The following CWF19L1 variants were observed in gnomAD, a reference collection of about 807,000 sequenced individuals.
CWF19L1 encodes CWF19 like cell cycle control factor 1, also known as CWF19-like protein 1.
A neutral mutation model predicts 69.7 loss-of-function variants in CWF19L1; 60 were observed. That is an observed-to-expected ratio of 0.86 (90% CI 0.70 to 1.07). CWF19L1 has a LOEUF of 1.07. Among genes scored for constraint, CWF19L1 ranks in the 50% least tolerant of loss-of-function variants. The probability of loss-of-function intolerance (pLI) is 0.00; values close to 1 mark genes in which losing one functional copy is unlikely to be tolerated. For synonymous variants in CWF19L1, 209 were observed against 222.2 expected (o/e 0.94, Z 0.53); for missense variants, 591 against 638.9 (o/e 0.92, Z 0.81).
At chr10:100,256,506 A>C in intron 4 of CWF19L1, 30 bp from the exon 5 acceptor site, 1 of 1,587,128 alleles carries the variant, frequency 6.3e-7, no homozygotes, top group Non-Finnish European at 8.7e-7. Context: ...AACAAATTTT[A>C]GTCAGAATTG....
In CWF19L1 at chr10:100,248,383, G is replaced by A. The variant is rs568362618; in HGVS notation, c.709-1448C>T. The stretch of plus-strand genomic sequence containing the variant: ...GAGCAAAGAGCTGTCATCTTTGACC[G>A]ATTCCATGGAGTACAGAACACTGTG... On this transcript the variant is annotated intron_variant, in intron 7 of 13. Coordinates refer to ENST00000354105, the MANE Select transcript of CWF19L1 (RefSeq NM_018294.6). 310 of 789,106 alleles carry A rather than the reference G, an allele frequency of 3.9e-4. No homozygotes were observed. In the African/African-American group the frequency reaches 4.2e-3, roughly 11 times the overall value. 48.9% of individuals were successfully genotyped at this position (789,106 alleles called of 1,614,324 possible).
chr10:100,267,344 G>T, intron 1 of CWF19L1: 2 of 818,728 alleles, frequency 2.4e-6, no homozygotes, highest in Non-Finnish European at 3.0e-6. Flanking sequence ...GGGAGCTTCC[G>T]CCTCTCCGAA....
intron 1 of CWF19L1, among the ~76,000 whole-genome samples, chr10:100,265,248 C>CAAGCTGTGTTATAAGTT (rs1191238556): frequency 6.6e-6 from 1 of 151,494 alleles, no homozygotes; most frequent in Non-Finnish European, 1.5e-5. Context: ...TGTGTTATAA[C>CAAGCTGTGTTATAAGTT]AAGAGTCAAA....
Position 100,233,075 on chromosome 10 carries a change from G to C in CWF19L1, c.*152C>G. ...AGGTGGGAGGAACTCTAGAGCCCAG[G>C]AGGTTGAGGCTACAGTGAGCCACAG... On this transcript the variant is annotated 3_prime_UTR_variant, in exon 14 of 14. Coordinates refer to ENST00000354105, the MANE Select transcript of CWF19L1 (RefSeq NM_018294.6). 3.0e-6 allele frequency: 2 copies of C among 660,464 alleles called. No individual in the cohort carries two copies. The highest frequency in any genetic ancestry group is 4.7e-6 in the Non-Finnish European group (2 of 423,778). 40.9% of individuals were successfully genotyped at this position (660,464 alleles called of 1,614,324 possible). A position where few individuals can be genotyped will look rare whatever the true frequency, so the allele number is the denominator to read the frequency against.
Position 100,235,776 on chromosome 10 carries a change from A to T in CWF19L1, c.1375-12T>A. The T allele has an allele frequency of 6.3e-7, 1 of 1,575,690 alleles. No homozygotes were observed. The highest frequency in any genetic ancestry group is 8.7e-7 in the Non-Finnish European group (1 of 1,149,288). ...CCTGGCTGTGCAATCTAAAGTAAAC[A>T]GAGTTGTATGAGGATGTCCAATAAT... On this transcript the variant is annotated splice_polypyrimidine_tract_variant and intron_variant, in intron 12 of 13. Transcript: ENST00000354105.
In CWF19L1 at chr10:100,238,251, A is replaced by T; in HGVS notation, c.1045-20T>A. 6.2e-7 allele frequency: 1 copy of T among 1,610,268 alleles called. No homozygotes were observed. Among genetic ancestry groups the T allele is most frequent in the South Asian group, 1.1e-5 (1 of 91,000 alleles). ...GTAGCACTGAAGAAGCAGCACACAG[A>T]ATTGAGACATCAATACAGCATGTAG... On this transcript the variant is annotated intron_variant, in intron 10 of 13. Coordinates refer to ENST00000354105, the MANE Select transcript of CWF19L1 (RefSeq NM_018294.6).
At chr10:100,255,874 G>A (rs1302142578) in intron 5 of CWF19L1, among the ~76,000 whole-genome samples, 1 of 151,820 alleles carries the variant, frequency 6.6e-6, no homozygotes, top group Non-Finnish European at 1.5e-5. Flanking sequence ...AGGTTGCAGT[G>A]AGCCAAGATC....
intron 9 of CWF19L1, among the ~76,000 whole-genome samples, chr10:100,244,152 T>A (rs552716835): frequency 1.6e-4 from 24 of 152,320 alleles, no homozygotes; most frequent in Admixed American, 4.6e-4. Flanking sequence ...AAGGTCAGCT[T>A]CTTGTGTGAA....
chr10:100,237,292 C>T lies in CWF19L1; in HGVS notation c.1255-323G>A, dbSNP rs1324736998. 3 of 540,756 alleles carry T rather than the reference C, an allele frequency of 5.5e-6. No individual in the cohort carries two copies. The African/African-American group carries it at 5.7e-5, about 10-fold the overall frequency. The allele number at this position is 540,756 out of a possible 1,614,324, so 33.5% of individuals were successfully genotyped here. ...CTTAACAAATGTGCCAAAAAGAAAA[C>T]CACCACAACTACAAATGATTTACAA... On this transcript the variant is annotated intron_variant, in intron 11 of 13. Coordinates refer to ENST00000354105, the MANE Select transcript of CWF19L1 (RefSeq NM_018294.6).
In CWF19L1 at chr10:100,246,880, AC is replaced by A. The variant is rs1313768605; in HGVS notation, c.763del (p.Val255Ter). The A allele has an allele frequency of 6.2e-7, 1 of 1,613,862 alleles. No individual in the cohort carries two copies. The highest frequency in any genetic ancestry group is 8.5e-7 in the Non-Finnish European group (1 of 1,179,858). ...PMKLMDAAEL[V>X]KQPPDVTENP... Reference sequence around the variant, plus strand: ...TTCAGTGACATCCGGAGGCTGTTTTACCAGTTCTGCTGCATCCATTAGCTTC... The same window carrying A: ...TTCAGTGACATCCGGAGGCTGTTTTACAGTTCTGCTGCATCCATTAGCTTC... On this transcript the variant is annotated frameshift_variant, in exon 8 of 14. Coordinates refer to ENST00000354105, the MANE Select transcript of CWF19L1 (RefSeq NM_018294.6). LOFTEE classifies it high-confidence loss of function.
intron 10 of CWF19L1, among the ~76,000 whole-genome samples, chr10:100,241,000 CTTTT>C (rs56262807): frequency 4.4e-4 from 31 of 70,618 alleles, no homozygotes; most frequent in African/African-American, 1.7e-3. Context: ...CTAATTAAGC[CTTTT>C]TTTTTTTTTT....
chr10:100,252,821 C>A (rs180913118), intron 6 of CWF19L1, among the ~76,000 whole-genome samples: 2,131 of 148,242 alleles, frequency 0.014, 56 homozygotes, highest in African/African-American at 0.049. Context: ...GGTGACAGAG[C>A]GAGACTCCGT....
chr10:100,262,750 C>G (rs1368106944), intron 1 of CWF19L1, among the ~76,000 whole-genome samples: 1 of 152,112 alleles, frequency 6.6e-6, no homozygotes, highest in Admixed American at 6.5e-5. Context: ...ACTGGCCCTA[C>G]GTTGTGAAGT....
At chr10:100,257,287 CTTTTTTTTTT>C (rs55939570) in intron 4 of CWF19L1, among the ~76,000 whole-genome samples, 8,256 of 106,022 alleles carry the variant, frequency 0.078, 361 homozygotes, top group African/African-American at 0.12. Context: ...AGTGCTTTAC[CTTTTTTTTTT>C]TTTTTTTTTT....
At position 100,243,586 on chromosome 10, in the gene CWF19L1, C is replaced by T. The variant is rs577669080; in HGVS notation, c.1044+112G>A. 426 of 960,768 alleles carry T rather than the reference C, an allele frequency of 4.4e-4. 6 individuals are homozygous for T. In the South Asian group the frequency reaches 5.4e-3, roughly 12 times the overall value. 59.5% of individuals were successfully genotyped at this position (960,768 alleles called of 1,614,324 possible). A position where few individuals can be genotyped will look rare whatever the true frequency, so the allele number is the denominator to read the frequency against. On this transcript the variant is annotated intron_variant, in intron 10 of 13. Coordinates refer to ENST00000354105, the MANE Select transcript of CWF19L1 (RefSeq NM_018294.6). ...AACTCAGTAACCTTACGAAAATCAC[C>T]GAATCATACACTTAAACATGGGTAA...
intron 8 of CWF19L1, among the ~76,000 whole-genome samples, 177 bp downstream of exon 8, chr10:100,246,618 A>G (rs999201030): frequency 6.6e-6 from 1 of 152,180 alleles, no homozygotes; most frequent in African/African-American, 2.4e-5. Context: ...GTTAACCCCA[A>G]ACTACAATAA....
chr10:100,256,592 G>C (rs1487316708), intron 4 of CWF19L1, 116 bp from the exon 5 acceptor site: 2 of 762,862 alleles, frequency 2.6e-6, no homozygotes, highest in South Asian at 3.2e-5. Flanking sequence ...CATGTCTGAA[G>C]TGTAAACTCT....
intron 4 of CWF19L1, among the ~76,000 whole-genome samples, chr10:100,259,894 C>T (rs1484436921): frequency 1.3e-5 from 2 of 152,138 alleles, no homozygotes; most frequent in Non-Finnish European, 2.9e-5. Context: ...CGGCCAGGCG[C>T]GGTGGCTCAC....
chr10:100,248,783 G>C (rs1254612161), intron 7 of CWF19L1: 2 of 1,423,172 alleles, frequency 1.4e-6, no homozygotes, highest in Admixed American at 3.4e-5. Context: ...CTGACCTTCG[G>C]GAAGGAGTTC....
Sources: gnomAD v4.1 joint callset for allele counts (sites outside exome capture counted in the v4.1 genomes callset) on GRCh38, gnomAD v4.1.1 for gene constraint, MANE v1.5 for transcripts, NCBI Gene and HGNC (gene_info 2026-07-23, HGNC 2026-07-21) for gene names.